ZNF248: variants seen among roughly 807,000 people sequenced by gnomAD.
The protein encoded by ZNF248 is zinc finger protein 248, also known as KRAB protein domain.
ZNF248 carries 20 observed loss-of-function variants against 44.3 expected under a neutral mutation model. That is an observed-to-expected ratio of 0.45 (90% confidence interval 0.32 to 0.66). The LOEUF (loss-of-function observed/expected upper bound fraction) is 0.66. ZNF248 is among the 30% of genes least tolerant of loss of function. The pLI, the probability that ZNF248 is intolerant of heterozygous loss-of-function variation, is 0.04. For missense variants in ZNF248, 654 were observed against 677.0 expected (o/e 0.97, Z 0.38); for synonymous variants, 224 against 229.0 (o/e 0.98, Z 0.20).
At chr10:37,837,943 A>C (rs761527620) in intron 4 of ZNF248, 42 bp downstream of exon 4, 1 of 1,599,000 alleles carries the variant, frequency 6.3e-7, no homozygotes, top group South Asian at 1.1e-5. Flanking sequence ...CAACTAGTAA[A>C]TGCATGCTAT....
intron 3 of ZNF248, among the ~76,000 whole-genome samples, chr10:37,840,550 G>C (rs1336791437): frequency 6.6e-6 from 1 of 152,156 alleles, no homozygotes; most frequent in East Asian, 1.9e-4. Context: ...CAGGAATTTT[G>C]ATTCACAATT....
intron 6 of ZNF248, chr10:37,818,813 A>C (rs1276133763): frequency 1.2e-6 from 1 of 863,986 alleles, no homozygotes; most frequent in Admixed American, 1.8e-5. Context: ...TTTGGTGGGA[A>C]CTGCACTTCA....
chr10:37,836,436 G>T (rs868007772), intron 5 of ZNF248, among the ~76,000 whole-genome samples: 2 of 151,930 alleles, frequency 1.3e-5, no homozygotes, highest in African/African-American at 4.8e-5. Flanking sequence ...CACCATGCCC[G>T]CTAGCTTCCA....
At chr10:37,796,071 T>G (rs2049118720) in intron 6 of ZNF248, 2 of 152,118 alleles carry the variant, frequency 1.3e-5, no homozygotes, top group African/African-American at 2.4e-5. Context: ...AGGAAGAAAA[T>G]GCAAATTCTT....
intron 6 of ZNF248, among the ~76,000 whole-genome samples, chr10:37,778,496 C>T (rs1345127413): frequency 6.6e-6 from 1 of 151,756 alleles, no homozygotes; most frequent in Non-Finnish European, 1.5e-5. Context: ...TGCCTGTTCA[C>T]TCTGATGGTA....
At chr10:37,789,738 A>G (rs1255354548) in intron 6 of ZNF248, among the ~76,000 whole-genome samples, 1 of 152,238 alleles carries the variant, frequency 6.6e-6, no homozygotes, top group Non-Finnish European at 1.5e-5. Context: ...TGAGAAGCCT[A>G]GAGGAACAGG....
At chr10:37,837,563 T>TTACCTA (rs1345064545) in intron 5 of ZNF248, 54 bp downstream of exon 5, 1 of 1,452,442 alleles carries the variant, frequency 6.9e-7, no homozygotes, top group African/African-American at 1.4e-5. Context: ...CCTAAACCAA[T>TTACCTA]TACCTAAGTT....
At chr10:37,826,549 T>G (rs778348125), downstream of ZNF248, among the ~76,000 whole-genome samples, 23 of 152,332 alleles carry the variant, frequency 1.5e-4, no homozygotes, top group Middle Eastern at 3.4e-3. Flanking sequence ...GTTTGAAAAC[T>G]TAGGTAACTT....
rs2054857803 is a variant in ZNF248, at chr10:37,828,835, C to A, written c.*2780G>T. Reference sequence around the variant, plus strand: ...CTTACACCACATACAATAAGAAACACCACAGGGAGGTATGAATAATGTAAT... The same window carrying A: ...CTTACACCACATACAATAAGAAACAACACAGGGAGGTATGAATAATGTAAT... On this transcript the variant is annotated 3_prime_UTR_variant, in exon 6 of 6. Transcript: ENST00000395867. 1 of 985,378 alleles carries A rather than the reference C, an allele frequency of 1.0e-6. No individual in the cohort carries two copies. Among genetic ancestry groups the A allele is most frequent in the Non-Finnish European group, 1.2e-6 (1 of 829,932 alleles). The allele number at this position is 985,378 out of a possible 1,614,324, so 61.0% of individuals were successfully genotyped here. A position where few individuals can be genotyped will look rare whatever the true frequency, so the allele number is the denominator to read the frequency against.
At chr10:37,812,523 T>C (rs1030735457) in intron 6 of ZNF248, among the ~76,000 whole-genome samples, 23 of 152,146 alleles carry the variant, frequency 1.5e-4, no homozygotes, top group African/African-American at 5.5e-4. Context: ...GGTTGCACAA[T>C]ACAAAGGCCT....
downstream of ZNF248, among the ~76,000 whole-genome samples, chr10:37,826,434 T>A (rs546741695): frequency 6.6e-6 from 1 of 152,328 alleles, no homozygotes; most frequent in South Asian, 2.1e-4. Context: ...TAACTCCATG[T>A]TGTTTCATGG....
At chr10:37,833,828 G>A (rs1167366997) in intron 5 of ZNF248, among the ~76,000 whole-genome samples, 1 of 152,090 alleles carries the variant, frequency 6.6e-6, no homozygotes, top group Non-Finnish European at 1.5e-5. Context: ...TATTCTGAGA[G>A]CTGTTCTTTC....
intron 6 of ZNF248, chr10:37,795,834 C>G (rs1421964512): frequency 6.6e-6 from 1 of 152,046 alleles, no homozygotes; most frequent in Non-Finnish European, 1.5e-5. Flanking sequence ...AAGATTAATA[C>G]CAATATTAAA....
chr10:37,801,236 CGTG>C (rs2049783168), intron 6 of ZNF248, among the ~76,000 whole-genome samples: 1 of 151,756 alleles, frequency 6.6e-6, no homozygotes, highest in South Asian at 2.1e-4. Context: ...ATTAGCTGGA[CGTG>C]GTGGCATGCA....
intron 6 of ZNF248, among the ~76,000 whole-genome samples, chr10:37,776,818 A>T (rs954936533): frequency 6.6e-6 from 1 of 152,112 alleles, no homozygotes; most frequent in Non-Finnish European, 1.5e-5. Flanking sequence ...GGAATACAAG[A>T]TGGTTTTAGG....
chr10:37,801,312 G>A (rs1248796593), intron 6 of ZNF248, among the ~76,000 whole-genome samples: 2 of 151,860 alleles, frequency 1.3e-5, no homozygotes, highest in African/African-American at 4.8e-5. Context: ...GGAGTGGGAG[G>A]TTGCAGTGAG....
chr10:37,849,411 G>A (rs1453594301), intron 3 of ZNF248, among the ~76,000 whole-genome samples: 2 of 152,186 alleles, frequency 1.3e-5, no homozygotes, highest in Non-Finnish European at 2.9e-5. Context: ...GCCGGGCACA[G>A]TGGCTCACGC....
the ZNF248 span, among the ~76,000 whole-genome samples, chr10:37,768,098 C>A: frequency 6.6e-6 from 1 of 152,116 alleles, no homozygotes; most frequent in Non-Finnish European, 1.5e-5. Context: ...CGTATGCACC[C>A]AATACAGGAG....
At position 37,829,427 on chromosome 10, in the gene ZNF248, C is replaced by T. The variant is rs189887080; in HGVS notation, c.*2188G>A. ...AACCATGGCTGATACAAACAGCCATCCCTATATTAACTTGTGAAAAGAAAT... is the reference window on the plus strand; with the variant it reads ...AACCATGGCTGATACAAACAGCCATTCCTATATTAACTTGTGAAAAGAAAT... On this transcript the variant is annotated 3_prime_UTR_variant, in exon 6 of 6. Transcript: ENST00000395867. 3 of 985,340 alleles carry T rather than the reference C, an allele frequency of 3.0e-6. No individual in the cohort carries two copies. In the Admixed American group the frequency reaches 1.8e-4, roughly 61 times the overall value. 61.0% of individuals were successfully genotyped at this position (985,340 alleles called of 1,614,324 possible).
Sources: gnomAD v4.1 joint callset for allele counts (sites outside exome capture counted in the v4.1 genomes callset) on GRCh38, gnomAD v4.1.1 for gene constraint, MANE v1.5 for transcripts, NCBI Gene and HGNC (gene_info 2026-07-23, HGNC 2026-07-21) for gene names.